Variants in LYRM4 observed in about 807,000 individuals in gnomAD.
LYRM4 encodes LYR motif containing 4.
In LYRM4, 9 loss-of-function variants were observed where a neutral mutation model predicts 11.7. The ratio of observed to expected loss-of-function variants is 0.77; its 90% CI spans 0.46 to 1.34. The LOEUF (loss-of-function observed/expected upper bound fraction) is 1.34, where lower values mean the gene tolerates loss of function less well. LYRM4 is among the 40% of genes most tolerant of loss of function. LYRM4 has a pLI of 0.00. For synonymous variants in LYRM4, 42 were observed against 40.4 expected (o/e 1.04, Z -0.15); for missense variants, 133 against 112.5 (o/e 1.18, Z -0.82).
At chr6:5,042,613 T>G in the LYRM4 span, 1 of 152,598 alleles carries the variant, frequency 6.6e-6, no homozygotes, top group African/African-American at 2.4e-5. Flanking sequence ...CAGACCCACA[T>G]CCCAGATGAC....
the LYRM4 span, among the ~76,000 whole-genome samples, chr6:5,097,636 C>A: frequency 6.6e-6 from 1 of 152,194 alleles, no homozygotes; most frequent in Non-Finnish European, 1.5e-5. Flanking sequence ...GAGGCAAGAG[C>A]CACTGTACCC....
the LYRM4 span, among the ~76,000 whole-genome samples, chr6:5,093,644 T>C: frequency 2.8e-3 from 425 of 152,396 alleles, 1 homozygote; most frequent in African/African-American, 9.6e-3. Context: ...TCTGGTTAGA[T>C]TTGTTAGATC....
chr6:5,139,244 C>T (rs1019601352), intron 2 of LYRM4, among the ~76,000 whole-genome samples: 1 of 152,218 alleles, frequency 6.6e-6, no homozygotes, highest in Non-Finnish European at 1.5e-5. Context: ...TTCCCAGGCA[C>T]CGCTGCATTT....
chr6:5,158,082 A>G (rs1758523452), intron 2 of LYRM4, among the ~76,000 whole-genome samples: 1 of 152,230 alleles, frequency 6.6e-6, no homozygotes, highest in South Asian at 2.1e-4. Flanking sequence ...CAAAAGAAAA[A>G]AAGGAAGAAA....
intron 2 of LYRM4, among the ~76,000 whole-genome samples, chr6:5,168,786 G>A (rs568290253): frequency 2.0e-5 from 3 of 152,132 alleles, no homozygotes; most frequent in Non-Finnish European, 4.4e-5. Flanking sequence ...GGTTATGTAC[G>A]AGAACACGCT....
At chr6:5,194,915 T>C (rs1760965704) in intron 2 of LYRM4, among the ~76,000 whole-genome samples, 1 of 152,214 alleles carries the variant, frequency 6.6e-6, no homozygotes. Flanking sequence ...ATTACTATAA[T>C]AGCTTCTGGC....
intron 2 of LYRM4, among the ~76,000 whole-genome samples, chr6:5,156,946 A>G (rs1758448943): frequency 6.6e-6 from 1 of 152,062 alleles, no homozygotes; most frequent in South Asian, 2.1e-4. Context: ...GCCCAATTCC[A>G]CCTTTTTAAG....
chr6:5,100,851 G>GC (rs574859097), downstream of LYRM4, among the ~76,000 whole-genome samples: 299 of 152,238 alleles, frequency 2.0e-3, 2 homozygotes, highest in Non-Finnish European at 3.3e-3. Flanking sequence ...TCTTTGCTTC[G>GC]CCCCCATCCT....
At chr6:5,179,065 C>CAAAAAAA (rs58749743) in intron 2 of LYRM4, among the ~76,000 whole-genome samples, 104 of 103,780 alleles carry the variant, frequency 1.0e-3, no homozygotes, top group Middle Eastern at 6.0e-3. Context: ...ACCAAAAAAA[C>CAAAAAAA]AAAAAAAAAA....
rs1297125689 is a variant in LYRM4, at chr6:5,245,112, AAATATATATATATATATATATATAT to A, written c.86+15511_86+15535del. Among the ~76,000 whole-genome samples the A allele has an allele frequency of 3.7e-3, 117 of 31,970 alleles. 3 individuals carry two copies. The highest frequency in any genetic ancestry group is 0.017 in the African/African-American group (111 of 6,430). The allele number at this position is 31,970 out of a possible 152,430, so 21.0% of individuals were successfully genotyped here. A position where few individuals can be genotyped will look rare whatever the true frequency, so the allele number is the denominator to read the frequency against. On this transcript the variant is annotated intron_variant, in intron 1 of 2. Transcript: ENST00000330636. ...CTTAAAAAAAAAAAAAAAAAAAAAA[AAATATATATATATATATATATATAT>A]ATATATATATATATATATATATATA...
At chr6:5,095,206 T>C in the LYRM4 span, among the ~76,000 whole-genome samples, 1 of 152,212 alleles carries the variant, frequency 6.6e-6, no homozygotes, top group East Asian at 1.9e-4. Flanking sequence ...TGGCATCTAG[T>C]GGTAGAGCCC....
intron 2 of LYRM4, among the ~76,000 whole-genome samples, chr6:5,173,294 C>T (rs1759533889): frequency 6.6e-6 from 1 of 152,208 alleles, no homozygotes. Context: ...CTGTTATGCT[C>T]ACTATACATG....
rs79841520 is a variant in LYRM4 at position 5,245,887 on chromosome 6, C to A, written c.86+14761G>T. Among the ~76,000 whole-genome samples, 397 of 152,176 alleles carry A rather than the reference C, an allele frequency of 2.6e-3. 1 individual carries two copies. Among genetic ancestry groups the A allele is most frequent in the African/African-American group, 9.1e-3 (376 of 41,508 alleles). ...GAGCATTTAAGAAGCTGAGAAAATGCCAGAGTGACAATACCATCCCCAAAT... is the reference window on the plus strand; with the variant it reads ...GAGCATTTAAGAAGCTGAGAAAATGACAGAGTGACAATACCATCCCCAAAT... On this transcript the variant is annotated intron_variant, in intron 1 of 2. Transcript: ENST00000330636.
the LYRM4 span, among the ~76,000 whole-genome samples, chr6:5,059,486 C>T: frequency 4.9e-3 from 738 of 152,086 alleles, 2 homozygotes; most frequent in Non-Finnish European, 8.3e-3. Context: ...GTTTCATATC[C>T]GCCCAAGAAC....
chr6:5,186,535 T>C, intron 2 of LYRM4: 4 of 963,116 alleles, frequency 4.2e-6, no homozygotes, highest in Non-Finnish European at 4.9e-6. Flanking sequence ...TCCTTTCTTA[T>C]ACCAAAATAA....
the LYRM4 span, among the ~76,000 whole-genome samples, chr6:5,069,791 T>C: frequency 1.3e-5 from 2 of 152,168 alleles, no homozygotes; most frequent in African/African-American, 2.4e-5. Flanking sequence ...CACTATGTAT[T>C]TTATGTATTT....
At chr6:5,230,141 T>C (rs987879255) in intron 1 of LYRM4, among the ~76,000 whole-genome samples, 5 of 152,224 alleles carry the variant, frequency 3.3e-5, no homozygotes, top group Non-Finnish European at 7.3e-5. Flanking sequence ...GTTTTAGACG[T>C]GCCTATTTAG....
intron 2 of LYRM4, among the ~76,000 whole-genome samples, chr6:5,148,494 G>GAA (rs1308365764): frequency 0.016 from 2,472 of 152,248 alleles, 41 homozygotes; most frequent in Non-Finnish European, 0.029. Context: ...TTAGAACTCT[G>GAA]TATCGTAATC....
At chr6:5,153,009 G>A (rs1581390159) in intron 2 of LYRM4, among the ~76,000 whole-genome samples, 1 of 152,354 alleles carries the variant, frequency 6.6e-6, no homozygotes, top group South Asian at 2.1e-4. Flanking sequence ...AATGAAGGCA[G>A]TACGTACCTA....
Sources: gnomAD v4.1 joint callset for allele counts (sites outside exome capture counted in the v4.1 genomes callset) on GRCh38, gnomAD v4.1.1 for gene constraint, MANE v1.5 for transcripts, NCBI Gene and HGNC (gene_info 2026-07-23, HGNC 2026-07-21) for gene names.